The following ANO5 variants were observed in gnomAD, a reference collection of about 807,000 sequenced individuals.
ANO5 encodes the protein anoctamin-5.
In ANO5, 109 loss-of-function variants were observed where a neutral mutation model predicts 121.0. The observed-to-expected ratio is 0.90, with a 90% confidence interval of 0.77 to 1.06. ANO5 has a LOEUF of 1.06. Among genes scored for constraint, ANO5 ranks in the 50% least tolerant of loss-of-function variants. ANO5 has a pLI of 0.00. For missense variants in ANO5, 1,064 were observed against 1,078.5 expected, an observed-to-expected ratio of 0.99 and a Z score of 0.19; for synonymous variants, 406 against 359.9, an observed-to-expected ratio of 1.13 and a Z score of -1.45.
At chr11:22,219,908 T>TC (rs397709115) in intron 4 of ANO5, among the ~76,000 whole-genome samples, 1 of 150,558 alleles carries the variant, frequency 6.6e-6, no homozygotes, top group Non-Finnish European at 1.5e-5. Context: ...TTTTTTTTTT[T>TC]AATTCTTAGT....
chr11:22,276,969 A>G (rs935785654), intron 21 of ANO5, among the ~76,000 whole-genome samples: 1 of 151,564 alleles, frequency 6.6e-6, no homozygotes, highest in Middle Eastern at 3.2e-3. Context: ...AAAATCAAAT[A>G]GTTCTGCATG....
At chr11:22,204,982 G>A (rs1005484734) in intron 2 of ANO5, among the ~76,000 whole-genome samples, 1 of 152,088 alleles carries the variant, frequency 6.6e-6, no homozygotes, top group Admixed American at 6.5e-5. Context: ...TAAAGAAAAT[G>A]TGATACATAT....
chr11:22,246,614 A>T (rs1036734279), intron 9 of ANO5, among the ~76,000 whole-genome samples: 1 of 152,100 alleles, frequency 6.6e-6, no homozygotes, highest in Admixed American at 6.6e-5. Flanking sequence ...AGGCAGGCAG[A>T]TCACTTTAGG....
intron 17 of ANO5, among the ~76,000 whole-genome samples, chr11:22,264,471 A>T (rs1216311226): frequency 1.3e-5 from 2 of 150,410 alleles, no homozygotes; most frequent in African/African-American, 2.5e-5. Context: ...GAATAAAAAA[A>T]TTTTAAAAAA....
intron 1 of ANO5, among the ~76,000 whole-genome samples, chr11:22,199,759 G>T (rs1045006480): frequency 4.6e-5 from 7 of 151,958 alleles, no homozygotes; most frequent in Non-Finnish European, 7.4e-5. Context: ...GTTGTGTTTT[G>T]GTTGAAGTGT....
In ANO5 at chr11:22,193,206, TGGG is replaced by T; in HGVS notation, c.-285_-283del. 1 of 1,262,100 alleles carries T rather than the reference TGGG, an allele frequency of 7.9e-7. No individual in the cohort carries two copies. The highest frequency in any genetic ancestry group is 1.0e-6 in the Non-Finnish European group (1 of 991,184). The allele number at this position is 1,262,100 out of a possible 1,614,324, so 78.2% of individuals were successfully genotyped here. On this transcript the variant is annotated 5_prime_UTR_variant, in exon 1 of 22. Coordinates refer to ENST00000324559, the MANE Select transcript of ANO5 (RefSeq NM_213599.3). ...GCCCAGGAGCGCTACCGGCTGAGGGTGGGGAAGCGCAGGGCCAAGCGCGCGAAG... is the reference window on the plus strand; with the variant it reads ...GCCCAGGAGCGCTACCGGCTGAGGGTGAAGCGCAGGGCCAAGCGCGCGAAG...
At chr11:22,264,567 T>G (rs549138754) in intron 17 of ANO5, among the ~76,000 whole-genome samples, 2 of 152,148 alleles carry the variant, frequency 1.3e-5, no homozygotes, top group East Asian at 1.9e-4. Flanking sequence ...TAATATTTAA[T>G]GCTACAAAGG....
At chr11:22,224,886 T>C (rs1852773290) in intron 5 of ANO5, among the ~76,000 whole-genome samples, 1 of 151,894 alleles carries the variant, frequency 6.6e-6, no homozygotes, top group Admixed American at 6.6e-5. Flanking sequence ...TTATGTTAAG[T>C]GAAATAAACC....
intron 7 of ANO5, among the ~76,000 whole-genome samples, chr11:22,234,756 GT>G (rs1002633986): frequency 1.5e-4 from 23 of 152,148 alleles, no homozygotes; most frequent in African/African-American, 5.5e-4. Context: ...GTTATTAACA[GT>G]TTCTGGTAAC....
intron 3 of ANO5, among the ~76,000 whole-genome samples, chr11:22,213,202 G>T (rs1272153446): frequency 2.0e-5 from 3 of 151,618 alleles, no homozygotes; most frequent in Non-Finnish European, 4.4e-5. Context: ...ACCTATATTG[G>T]TGCATTATTA....
intron 5 of ANO5, among the ~76,000 whole-genome samples, chr11:22,225,194 A>C (rs1235934454): frequency 6.6e-6 from 1 of 152,114 alleles, no homozygotes; most frequent in Non-Finnish European, 1.5e-5. Flanking sequence ...TGGGTGGTTC[A>C]CACCTATAAT....
chr11:22,262,509 G>C (rs1854223121), intron 16 of ANO5, among the ~76,000 whole-genome samples: 1 of 152,106 alleles, frequency 6.6e-6, no homozygotes, highest in Non-Finnish European at 1.5e-5. Flanking sequence ...TATGCCTATG[G>C]TTTAGCAGTA....
intron 19 of ANO5, among the ~76,000 whole-genome samples, chr11:22,273,811 A>G (rs1159819897): frequency 6.6e-6 from 1 of 152,146 alleles, no homozygotes; most frequent in Non-Finnish European, 1.5e-5. Context: ...TTGTGTCCTC[A>G]TTTACTCCAA....
At chr11:22,235,917 A>G (rs1853199590) in intron 7 of ANO5, among the ~76,000 whole-genome samples, 1 of 152,208 alleles carries the variant, frequency 6.6e-6, no homozygotes, top group Admixed American at 6.5e-5. Flanking sequence ...GGAGAAGCAA[A>G]ATAAATTATG....
chr11:22,212,079 G>A (rs1428357270), intron 3 of ANO5, among the ~76,000 whole-genome samples: 1 of 151,174 alleles, frequency 6.6e-6, no homozygotes, highest in Admixed American at 6.6e-5. Context: ...TGAGCCTAAA[G>A]CTTATACAAT....
Position 22,269,482 on chromosome 11 carries a change from AG to A in ANO5, c.1899-828del. 3.6e-4 allele frequency among the ~76,000 whole-genome samples: 3 copies of A among 8,340 alleles called. No individual in the cohort carries two copies. The African/African-American group carries it at 5.9e-3, about 16-fold the overall frequency. The allele number at this position is 8,340 out of a possible 152,430, so 5.5% of individuals were successfully genotyped here. A position where few individuals can be genotyped will look rare whatever the true frequency, so the allele number is the denominator to read the frequency against. On this transcript the variant is annotated intron_variant, in intron 17 of 21. Coordinates refer to ENST00000324559, the MANE Select transcript of ANO5 (RefSeq NM_213599.3). ...GAAGGAAGGAGAAAAAAGAAAAGAA[AG>A]GAAAGAAAAAAGAAAAGGAAGGAAA...
intron 19 of ANO5, among the ~76,000 whole-genome samples, chr11:22,273,371 T>C (rs1038348930): frequency 1.3e-5 from 2 of 152,154 alleles, no homozygotes; most frequent in Non-Finnish European, 2.9e-5. Context: ...GAACAATAAA[T>C]TTCCAAAAGC....
intron 13 of ANO5, among the ~76,000 whole-genome samples, chr11:22,256,641 A>T (rs951648603): frequency 1.3e-5 from 2 of 152,252 alleles, no homozygotes; most frequent in African/African-American, 4.8e-5. Flanking sequence ...TTACATTTGA[A>T]TCCAGTTGAA....
intron 7 of ANO5, among the ~76,000 whole-genome samples, chr11:22,233,522 C>T (rs1227711629): frequency 1.3e-5 from 2 of 152,008 alleles, no homozygotes; most frequent in Admixed American, 6.6e-5. Context: ...GGGAATCTAA[C>T]CATGTCAATG....
Sources: allele counts gnomAD v4.1 joint callset (sites outside exome capture counted in the v4.1 genomes callset), GRCh38; gene constraint gnomAD v4.1.1; transcripts MANE v1.5; gene names NCBI Gene and HGNC (gene_info 2026-07-23, HGNC 2026-07-21).